GUCY1A1: variants seen among roughly 807,000 people sequenced by gnomAD.
GUCY1A1 encodes the protein guanylate cyclase 1 soluble subunit alpha 1, also known as guanylate cyclase soluble subunit alpha-1.
In GUCY1A1, 48 loss-of-function variants were observed where a neutral mutation model predicts 64.5. The observed-to-expected ratio is 0.74, with a 90% CI of 0.59 to 0.95. The LOEUF (loss-of-function observed/expected upper bound fraction) is 0.95. Ranked by LOEUF, GUCY1A1 falls within the 40% of genes least tolerant of loss-of-function variation. The pLI is 0.00. For synonymous variants in GUCY1A1, 308 were observed against 303.4 expected, an observed-to-expected ratio of 1.02 and a Z score of -0.16; for missense variants, 804 against 825.3, an observed-to-expected ratio of 0.97 and a Z score of 0.32.
chr4:155,710,673 C>T lies in GUCY1A1; in HGVS notation c.508C>T (p.Leu170=), dbSNP rs1319910954. Residue 170 remains leucine, a synonymous_variant, in exon 6 of 10, where the codon CTG becomes TTG. Transcript: ENST00000506455. The part of the protein sequence containing the change: ...KDFLNSFSTL[L]KQSSHCQEAG... ...TTTTTTAAACAGCTTCAGTACCCTT[C>T]TGAAACAGAGCAGCCATTGCCAAGA... 3 of 1,613,872 alleles carry T rather than the reference C, an allele frequency of 1.9e-6. No individual in the cohort carries two copies.
rs574444346 is a variant in GUCY1A1 at position 155,733,886 on chromosome 4, A to G, written c.*3655A>G. Among the ~76,000 whole-genome samples the G allele has an allele frequency of 5.3e-5, 8 of 151,834 alleles. No individual in the cohort carries two copies. Among genetic ancestry groups the G allele is most frequent in the Non-Finnish European group, 5.9e-5 (4 of 67,870 alleles). ...TGACTGAATGAACATCTGTTTATAC[A>G]TCAAGGGAAAATGATTCATTTTATA... On this transcript the variant is annotated 3_prime_UTR_variant, in exon 10 of 10. Transcript: ENST00000506455.
intron 8 of GUCY1A1, among the ~76,000 whole-genome samples, chr4:155,719,431 G>A (rs550036523): frequency 1.3e-4 from 20 of 152,170 alleles, no homozygotes; most frequent in Non-Finnish European, 2.6e-4. Flanking sequence ...ACTTTAAAGA[G>A]GCATCTACAC....
At position 155,734,134 on chromosome 4, in the gene GUCY1A1, A is replaced by G. The variant is rs1201269301; in HGVS notation, c.*3903A>G. Among the ~76,000 whole-genome samples, 1 of 151,938 alleles carries G rather than the reference A, an allele frequency of 6.6e-6. No homozygotes were observed. Among genetic ancestry groups the G allele is most frequent in the Non-Finnish European group, 1.5e-5 (1 of 67,912 alleles). On this transcript the variant is annotated 3_prime_UTR_variant, in exon 10 of 10. Transcript: ENST00000506455. ...GCTCTGTCTCAGGTTAGGTTAAAAGAAGGCATAGGATGGAAGAGGGTGGTC... is the reference window on the plus strand; with the variant it reads ...GCTCTGTCTCAGGTTAGGTTAAAAGGAGGCATAGGATGGAAGAGGGTGGTC...
intron 2 of GUCY1A1, among the ~76,000 whole-genome samples, chr4:155,688,826 AAAGTT>A (rs1458708172): frequency 6.6e-6 from 1 of 152,138 alleles, no homozygotes; most frequent in African/African-American, 2.4e-5. Flanking sequence ...CCAAAATATA[AAAGTT>A]TAGTTAAAAG....
In GUCY1A1 at chr4:155,680,223, G is replaced by A. The variant is rs116720421; in HGVS notation, c.-113+12804G>A. On this transcript the variant is annotated intron_variant, in intron 2 of 9. Coordinates refer to ENST00000506455, the MANE Select transcript of GUCY1A1 (RefSeq NM_001130682.3). Reference sequence around the variant, plus strand: ...TCCTTAATTTATCTCGTGAATGTTCGTAGTTTTCAGTGTAAAAGTCTTGTA... The same window carrying A: ...TCCTTAATTTATCTCGTGAATGTTCATAGTTTTCAGTGTAAAAGTCTTGTA... Among the ~76,000 whole-genome samples, 320 of 152,098 alleles carry A rather than the reference G, an allele frequency of 2.1e-3. 2 individuals are homozygous for A. The highest frequency in any genetic ancestry group is 7.2e-3 in the African/African-American group (298 of 41,514).
chr4:155,724,931 G>C (rs1041800064), intron 9 of GUCY1A1, among the ~76,000 whole-genome samples: 1 of 151,908 alleles, frequency 6.6e-6, no homozygotes, highest in Non-Finnish European at 1.5e-5. Flanking sequence ...TCCCACCCAG[G>C]CAAGCTTACC....
chr4:155,702,174 A>C (rs1731172547), intron 3 of GUCY1A1, among the ~76,000 whole-genome samples: 1 of 152,186 alleles, frequency 6.6e-6, no homozygotes, highest in Admixed American at 6.5e-5. Flanking sequence ...AAAAATTTAC[A>C]AAGTTGGCGA....
intron 2 of GUCY1A1, among the ~76,000 whole-genome samples, chr4:155,696,408 G>A (rs922449554): frequency 1.3e-5 from 2 of 152,136 alleles, no homozygotes; most frequent in Non-Finnish European, 2.9e-5. Context: ...AAACTTAGAT[G>A]TGGCTTTTGT....
At chr4:155,701,388 G>A (rs1242639879) in intron 3 of GUCY1A1, among the ~76,000 whole-genome samples, 1 of 151,982 alleles carries the variant, frequency 6.6e-6, no homozygotes, top group African/African-American at 2.4e-5. Context: ...AATTGGAAGG[G>A]GACCATTTCT....
chr4:155,730,189 T>A lies in GUCY1A1; in HGVS notation c.2031T>A (p.Asp677Glu). Residue 677 changes from aspartate (D) to glutamate (E), a missense_variant, in exon 10 of 10, where the codon GAT (aspartate) becomes GAA (glutamate). Asp to Glu is a conservative substitution (Grantham distance 45). Coordinates refer to ENST00000506455, the MANE Select transcript of GUCY1A1 (RefSeq NM_001130682.3). ...KPCFQKKDVE[D>E]GNANFLGKAS... ...GCTTCCAAAAGAAAGATGTGGAAGA[T>A]GGCAATGCCAATTTTTTAGGCAAAG... 1 of 1,611,360 alleles carries A rather than the reference T, an allele frequency of 6.2e-7. No homozygotes were observed. The highest frequency in any genetic ancestry group is 8.5e-7 in the Non-Finnish European group (1 of 1,178,044).
At chr4:155,718,236 G>C (rs1041710313) in intron 8 of GUCY1A1, among the ~76,000 whole-genome samples, 4 of 151,856 alleles carry the variant, frequency 2.6e-5, no homozygotes, top group Non-Finnish European at 4.4e-5. Context: ...AATCTTATCC[G>C]GTATGCTATA....
intron 5 of GUCY1A1, among the ~76,000 whole-genome samples, chr4:155,709,810 G>A (rs890438494): frequency 6.6e-6 from 1 of 152,104 alleles, no homozygotes; most frequent in Non-Finnish European, 1.5e-5. Context: ...TCCAGCCTGG[G>A]CGACAGAGCG....
In GUCY1A1 at chr4:155,735,101, C is replaced by T. The variant is rs78379372; in HGVS notation, c.*4870C>T. 6.6e-6 allele frequency: 1 copy of T among 152,022 alleles called. No individual in the cohort carries two copies. The highest frequency in any genetic ancestry group is 1.9e-4 in the East Asian group (1 of 5,140). 9.4% of individuals were successfully genotyped at this position (152,022 alleles called of 1,614,324 possible). On this transcript the variant is annotated 3_prime_UTR_variant, in exon 10 of 10. Transcript: ENST00000506455. ...TATTCTTATTTTAAGCTGCAGTAAT[C>T]ACTGTACATTTGATTGCCATCTGTA...
intron 2 of GUCY1A1, among the ~76,000 whole-genome samples, chr4:155,681,934 A>G (rs1735828965): frequency 6.6e-6 from 1 of 152,334 alleles, no homozygotes; most frequent in East Asian, 1.9e-4. Context: ...CATGTATCTA[A>G]AACAAATTCA....
Position 155,723,627 on chromosome 4 carries a change from CATTTATTTATTTATTTATTT to C in GUCY1A1, c.1871+1462_1871+1481del, listed in dbSNP as rs3070258. On this transcript the variant is annotated intron_variant, in intron 9 of 9. Transcript: ENST00000506455. ...TAGCATCTTCTCCCTTCTTCTTCTG[CATTTATTTATTTATTTATTT>C]ATTTATTTATTTATTTATTTATTTA... is the stretch of plus-strand genomic sequence containing the variant. Among the ~76,000 whole-genome samples, 939 of 147,716 alleles carry C rather than the reference CATTTATTTATTTATTTATTT, an allele frequency of 6.4e-3. 9 individuals carry two copies. The highest frequency in any genetic ancestry group is 0.022 in the African/African-American group (895 of 40,040).
intron 2 of GUCY1A1, among the ~76,000 whole-genome samples, chr4:155,691,765 A>C: frequency 6.6e-6 from 1 of 152,096 alleles, no homozygotes; most frequent in East Asian, 1.9e-4. Flanking sequence ...CTTCCCTGTA[A>C]CTTTTTTCGA....
At chr4:155,688,802 A>G (rs1390282353) in intron 2 of GUCY1A1, among the ~76,000 whole-genome samples, 2 of 152,108 alleles carry the variant, frequency 1.3e-5, no homozygotes, top group Non-Finnish European at 2.9e-5. Flanking sequence ...AAAAAACAAA[A>G]CAAAACAAAA....
chr4:155,670,539 C>T (rs1230027912), intron 2 of GUCY1A1, among the ~76,000 whole-genome samples: 1 of 152,074 alleles, frequency 6.6e-6, no homozygotes, highest in East Asian at 1.9e-4. Context: ...CTTCATCTTC[C>T]TATAGCCTCG....
chr4:155,716,031 C>A (rs926611374), intron 7 of GUCY1A1, among the ~76,000 whole-genome samples: 12 of 151,712 alleles, frequency 7.9e-5, no homozygotes, highest in African/African-American at 2.9e-4. Flanking sequence ...AAAGGAGGGA[C>A]AACCACGTGG....
Sources: gnomAD v4.1 joint callset for allele counts (sites outside exome capture counted in the v4.1 genomes callset) on GRCh38, gnomAD v4.1.1 for gene constraint, MANE v1.5 for transcripts, NCBI Gene and HGNC (gene_info 2026-07-23, HGNC 2026-07-21) for gene names.